The following TFB1M variants were observed in gnomAD, a reference collection of about 807,000 sequenced individuals.
TFB1M encodes transcription factor B1, mitochondrial, also known as dimethyladenosine transferase 1, mitochondrial.
A neutral mutation model predicts 31.1 loss-of-function variants in TFB1M; 27 were observed. That is an observed-to-expected ratio of 0.87 (90% confidence interval 0.64 to 1.20). TFB1M has a LOEUF of 1.20. Ranked by LOEUF, TFB1M falls within the 50% of genes most tolerant of loss-of-function variation. The probability of loss-of-function intolerance (pLI) is 0.00; values close to 1 mark genes in which losing one functional copy is unlikely to be tolerated. For synonymous variants in TFB1M, 166 were observed against 151.8 expected (o/e 1.09, Z -0.69); for missense variants, 394 against 418.7 (o/e 0.94, Z 0.51).
intron 5 of TFB1M, among the ~76,000 whole-genome samples, chr6:155,264,621 A>G (rs1039610011): frequency 6.6e-5 from 10 of 152,262 alleles, no homozygotes; most frequent in African/African-American, 2.2e-4. Context: ...TTTTCTTCCT[A>G]CAGATCTTTG....
At chr6:155,310,873 AT>A in intron 2 of TFB1M, 1 of 291,904 alleles carries the variant, frequency 3.4e-6, no homozygotes, top group South Asian at 4.7e-5. Context: ...TTTTGAAGGA[AT>A]GGGCCACGAC....
At chr6:155,258,394 A>C (rs1784217974) in intron 6 of TFB1M, among the ~76,000 whole-genome samples, 1 of 152,222 alleles carries the variant, frequency 6.6e-6, no homozygotes, top group Admixed American at 6.5e-5. Flanking sequence ...ATTCTTGTAG[A>C]AACATAAGCT....
At chr6:155,245,852 C>T in the TFB1M span, 1 of 587,914 alleles carries the variant, frequency 1.7e-6, no homozygotes, top group Non-Finnish European at 2.8e-6. Flanking sequence ...AAGGTCCATC[C>T]TTGACCTTGA....
At chr6:155,269,329 T>TTC (rs943191942) in intron 5 of TFB1M, among the ~76,000 whole-genome samples, 2 of 146,988 alleles carry the variant, frequency 1.4e-5, no homozygotes, top group African/African-American at 5.0e-5. Flanking sequence ...CTTTTCTTTT[T>TTC]TTTTTTTTTT....
At position 155,276,015 on chromosome 6, in the gene TFB1M, C is replaced by T. The variant is rs1457883243; in HGVS notation, c.666+9143G>A. The stretch of plus-strand genomic sequence containing the variant: ...TCTGCTTTGGGGATCTGCACTTCCA[C>T]AGTAGGAATGAAATGTACTCGCTTA... On this transcript the variant is annotated intron_variant, in intron 5 of 6. Coordinates refer to ENST00000367166, the MANE Select transcript of TFB1M (RefSeq NM_016020.4). 3 of 1,614,148 alleles carry T rather than the reference C, an allele frequency of 1.9e-6. No homozygotes were observed. In the Admixed American group the frequency reaches 5.0e-5, roughly 27 times the overall value.
At chr6:155,303,119 G>A (rs1480238115) in intron 2 of TFB1M, 5 of 151,810 alleles carry the variant, frequency 3.3e-5, no homozygotes, top group South Asian at 2.1e-4. Flanking sequence ...ATAAATGTTC[G>A]AGGTGGATAT....
rs561689590 is a variant in TFB1M, at chr6:155,293,471, C to T, written c.546+3482G>A. ...ATATGACAAGGAAGTCTTTTCTCATCACTCTCCCTTTTCAACATTTCTTAT... is the reference window on the plus strand; with the variant it reads ...ATATGACAAGGAAGTCTTTTCTCATTACTCTCCCTTTTCAACATTTCTTAT... On this transcript the variant is annotated intron_variant, in intron 4 of 6. Coordinates refer to ENST00000367166, the MANE Select transcript of TFB1M (RefSeq NM_016020.4). Among the ~76,000 whole-genome samples, 14 of 152,296 alleles carry T rather than the reference C, an allele frequency of 9.2e-5. No homozygotes were observed. The South Asian group carries it at 1.4e-3, about 16-fold the overall frequency.
rs1562425608 is a variant in TFB1M, at chr6:155,305,548, A to AATATATATTAAATTATATATTTAT, written c.285+5616_285+5639dup. ...ATTAAATTATATATTTATATATATA[A>AATATATATTAAATTATATATTTAT]ATATATATTAAATTATATATTTATA... is the stretch of plus-strand genomic sequence containing the variant. On this transcript the variant is annotated intron_variant, in intron 2 of 6. Coordinates refer to ENST00000367166, the MANE Select transcript of TFB1M (RefSeq NM_016020.4). Among the ~76,000 whole-genome samples, 49 of 50,590 alleles carry AATATATATTAAATTATATATTTAT rather than the reference A, an allele frequency of 9.7e-4. 1 individual carries two copies. The highest frequency in any genetic ancestry group is 1.2e-3 in the Non-Finnish European group (40 of 33,472). 33.2% of individuals were successfully genotyped at this position (50,590 alleles called of 152,430 possible). A position where few individuals can be genotyped will look rare whatever the true frequency, so the allele number is the denominator to read the frequency against.
At chr6:155,241,308 G>T in the TFB1M span, among the ~76,000 whole-genome samples, 6 of 152,210 alleles carry the variant, frequency 3.9e-5, no homozygotes, top group African/African-American at 7.2e-5. Flanking sequence ...GAATACTGGA[G>T]CCTGGGGAGC....
chr6:155,297,478 G>A (rs1777229476), intron 3 of TFB1M, among the ~76,000 whole-genome samples: 1 of 152,154 alleles, frequency 6.6e-6, no homozygotes. Context: ...CAGGAAGGGG[G>A]TACAGGCAGC....
the TFB1M span, chr6:155,251,081 C>T: frequency 7.0e-7 from 1 of 1,423,624 alleles, no homozygotes; most frequent in Non-Finnish European, 9.9e-7. Context: ...GGAAGAACTT[C>T]ACTAGCCGCA....
intron 4 of TFB1M, among the ~76,000 whole-genome samples, chr6:155,295,780 C>T (rs1777142439): frequency 6.6e-6 from 1 of 152,140 alleles, no homozygotes; most frequent in Non-Finnish European, 1.5e-5. Context: ...TATCATTATT[C>T]CTCAAATAAT....
At chr6:155,240,819 G>A in the TFB1M span, 3 of 1,148,526 alleles carry the variant, frequency 2.6e-6, no homozygotes, top group Admixed American at 2.4e-5. Flanking sequence ...CACTCCCCAG[G>A]GGGGGACACC....
intron 4 of TFB1M, among the ~76,000 whole-genome samples, chr6:155,287,533 C>T (rs1323451426): frequency 8.3e-6 from 1 of 120,106 alleles, no homozygotes; most frequent in Non-Finnish European, 1.7e-5. Context: ...GAAAAGACTA[C>T]TCCTATCATT....
chr6:155,256,995 C>CA lies in TFB1M; in HGVS notation c.*840dup. On this transcript the variant is annotated 3_prime_UTR_variant, in exon 7 of 7. Coordinates refer to ENST00000367166, the MANE Select transcript of TFB1M (RefSeq NM_016020.4). ...CGCAGATCCGTCACCAGTCCCTTGA[C>CA]AGTCAGTCTGAAAATGCCACCATCG... 6.2e-7 allele frequency: 1 copy of CA among 1,614,208 alleles called. No homozygotes were observed. Among genetic ancestry groups the CA allele is most frequent in the Non-Finnish European group, 8.5e-7 (1 of 1,180,030 alleles).
chr6:155,276,276 T>C (rs1219515280), intron 5 of TFB1M: 3 of 1,614,094 alleles, frequency 1.9e-6, no homozygotes, highest in Middle Eastern at 1.6e-4. Context: ...ACCTCCTGTA[T>C]AAAAAGGAAT....
At chr6:155,296,432 T>C (rs75443887) in intron 4 of TFB1M, among the ~76,000 whole-genome samples, 4 of 106,274 alleles carry the variant, frequency 3.8e-5, no homozygotes, top group Non-Finnish European at 6.9e-5. Context: ...GCTAATTTTT[T>C]TTTTTTTTTT....
intron 5 of TFB1M, among the ~76,000 whole-genome samples, chr6:155,272,024 C>G (rs1012157567): frequency 6.6e-6 from 1 of 152,162 alleles, no homozygotes; most frequent in African/African-American, 2.4e-5. Flanking sequence ...TCTCAGATTT[C>G]TACGTTGTCC....
At chr6:155,243,547 G>A in the TFB1M span, among the ~76,000 whole-genome samples, 2 of 152,202 alleles carry the variant, frequency 1.3e-5, no homozygotes, top group East Asian at 1.9e-4. Context: ...TACTTTTGGG[G>A]TCAGGAATTT....
Sources: gnomAD v4.1 joint callset for allele counts (sites outside exome capture counted in the v4.1 genomes callset) on GRCh38, gnomAD v4.1.1 for gene constraint, MANE v1.5 for transcripts, NCBI Gene and HGNC (gene_info 2026-07-23, HGNC 2026-07-21) for gene names.